Variants in FOXK1 observed in about 807,000 individuals in gnomAD.
FOXK1 encodes the protein forkhead box protein K1.
A neutral mutation model predicts 51.9 loss-of-function variants in FOXK1; 19 were observed. The observed-to-expected ratio is 0.37, with a 90% CI of 0.26 to 0.54. The LOEUF (loss-of-function observed/expected upper bound fraction) is 0.54. Ranked by LOEUF, FOXK1 falls within the 20% of genes least tolerant of loss-of-function variation. The pLI is 0.87. For synonymous variants in FOXK1, 537 were observed against 482.6 expected (o/e 1.11, Z -1.48); for missense variants, 870 against 1,032.7 (o/e 0.84, Z 2.16).
rs7778055 is a variant in FOXK1 at position 4,756,169 on chromosome 7, T to C, written c.1050+786T>C. On this transcript the variant is annotated intron_variant, in intron 4 of 8. Transcript: ENST00000328914. This position sits in a 1 kb window ranked among gnomAD's most constrained non-coding sequence, Gnocchi z 4.1. ...TCGCTCTGCCATCCCGGCTGGAGTG[T>C]GGTGGCGCGATCTCAGCTCACTGCA... Among the ~76,000 whole-genome samples, 29,281 of 152,086 alleles carry C rather than the reference T, an allele frequency of 0.19. 4,336 individuals are homozygous for C. The highest frequency in any genetic ancestry group is 0.42 in the African/African-American group (17,302 of 41,452).
Position 4,758,996 on chromosome 7 carries a change from T to TC in FOXK1, c.1245-53dup. ...TGAGATGCGTGATGTCTCGGAAACG[T>TC]CCTCGCATCCCTCAGCGCGGGCGCT... On this transcript the variant is annotated intron_variant, in intron 5 of 8. Transcript: ENST00000328914. The surrounding 1 kb of genome is among the most constrained non-coding windows in gnomAD (Gnocchi z 4.4). The TC allele has an allele frequency of 6.6e-7, 1 of 1,515,860 alleles. No individual in the cohort carries two copies. Among genetic ancestry groups the TC allele is most frequent in the Non-Finnish European group, 8.8e-7 (1 of 1,137,736 alleles). 93.9% of individuals were successfully genotyped at this position (1,515,860 alleles called of 1,614,324 possible).
rs1050875595 is a variant in FOXK1, at chr7:4,731,180, C to T, written c.561-9658C>T. Among the ~76,000 whole-genome samples, 1 of 152,192 alleles carries T rather than the reference C, an allele frequency of 6.6e-6. No individual in the cohort carries two copies. Among genetic ancestry groups the T allele is most frequent in the African/African-American group, 2.4e-5 (1 of 41,446 alleles). ...CTGGTAGGAGGTGGTGAGGGGCCTCCGAGGTGGTGGGTGAGCATCCCTGCA... is the reference window on the plus strand; with the variant it reads ...CTGGTAGGAGGTGGTGAGGGGCCTCTGAGGTGGTGGGTGAGCATCCCTGCA... On this transcript the variant is annotated intron_variant, in intron 1 of 8. Transcript: ENST00000328914. This position sits in a 1 kb window ranked among gnomAD's most constrained non-coding sequence, Gnocchi z 5.3.
chr7:4,761,925 C>G lies in FOXK1; in HGVS notation c.1922-259C>G, dbSNP rs542772670. ...ATCTGTGTAAAGGAGTGAGGCAAGCCGTCGATGTCCAGCAGGATCTAGACA... is the reference window on the plus strand; with the variant it reads ...ATCTGTGTAAAGGAGTGAGGCAAGCGGTCGATGTCCAGCAGGATCTAGACA... On this transcript the variant is annotated intron_variant, in intron 8 of 8. Coordinates refer to ENST00000328914, the MANE Select transcript of FOXK1 (RefSeq NM_001037165.2). The surrounding 1 kb of genome is among the most constrained non-coding windows in gnomAD (Gnocchi z 6.2). 6.6e-6 allele frequency among the ~76,000 whole-genome samples: 1 copy of G among 151,904 alleles called. No homozygotes were observed. Among genetic ancestry groups the G allele is most frequent in the South Asian group, 2.1e-4 (1 of 4,808 alleles).
At chr7:4,718,119 C>G (rs1780260854) in intron 1 of FOXK1, among the ~76,000 whole-genome samples, 1 of 152,220 alleles carries the variant, frequency 6.6e-6, no homozygotes, top group South Asian at 2.1e-4. Flanking sequence ...CACAGATTCA[C>G]AAGGAGCAGC....
Position 4,682,971 on chromosome 7 carries a change from G to A in FOXK1, c.560+103G>A, listed in dbSNP as rs1779771618. ...ATCCCCCTCCAGCTTCCTCGGCCTC[G>A]ACCCCCACCCCCCGGCCCACCCCCG... On this transcript the variant is annotated intron_variant, in intron 1 of 8. Transcript: ENST00000328914. This position sits in a 1 kb window ranked among gnomAD's most constrained non-coding sequence, Gnocchi z 7.6. The A allele has an allele frequency of 4.2e-6, 5 of 1,200,782 alleles. No homozygotes were observed. The highest frequency in any genetic ancestry group is 5.5e-6 in the Non-Finnish European group (5 of 909,538). 74.4% of individuals were successfully genotyped at this position (1,200,782 alleles called of 1,614,324 possible). A position where few individuals can be genotyped will look rare whatever the true frequency, so the allele number is the denominator to read the frequency against.
intron 1 of FOXK1, among the ~76,000 whole-genome samples, chr7:4,714,725 G>A (rs148122158): frequency 3.9e-5 from 6 of 152,266 alleles, no homozygotes; most frequent in East Asian, 1.9e-4. Flanking sequence ...ACATTCCCGC[G>A]GTTCAAAACT....
rs1317553706 is a variant in FOXK1, at chr7:4,682,485, G to A, written c.177G>A (p.Pro59=). Residue 59 remains proline, a synonymous_variant, in exon 1 of 9, where the codon CCG becomes CCA. Coordinates refer to ENST00000328914, the MANE Select transcript of FOXK1 (RefSeq NM_001037165.2). This position sits in a 1 kb window ranked among gnomAD's most constrained non-coding sequence, Gnocchi z 7.6. ...GGCCGCCGCCGCCGCCGCCACCGCCGCTGCCTCCGGGCGCGATCGCGGGCG... is the reference window on the plus strand; with the variant it reads ...GGCCGCCGCCGCCGCCGCCACCGCCACTGCCTCCGGGCGCGATCGCGGGCG... ...PPGPPPPPPP[P]LPPGAIAGAG... 3 of 1,001,200 alleles carry A rather than the reference G, an allele frequency of 3.0e-6. No homozygotes were observed. The highest frequency in any genetic ancestry group is 1.0e-4 in the East Asian group (1 of 9,628). The allele number at this position is 1,001,200 out of a possible 1,614,324, so 62.0% of individuals were successfully genotyped here. A position where few individuals can be genotyped will look rare whatever the true frequency, so the allele number is the denominator to read the frequency against.
rs1167504818 is a variant in FOXK1 at position 4,741,560 on chromosome 7, A to G, written c.746+537A>G. Among the ~76,000 whole-genome samples the G allele has an allele frequency of 7.9e-5, 12 of 152,132 alleles. No homozygotes were observed. The South Asian group carries it at 1.2e-3, about 16-fold the overall frequency. On this transcript the variant is annotated intron_variant, in intron 2 of 8. Coordinates refer to ENST00000328914, the MANE Select transcript of FOXK1 (RefSeq NM_001037165.2). The stretch of plus-strand genomic sequence containing the variant: ...TGGCCATGCTGGTCTCGAACTCCCA[A>G]CCTCAAATGATCCACCCGCCTTGGC...
At position 4,749,103 on chromosome 7, in the gene FOXK1, C is replaced by T. The variant is rs1437433725; in HGVS notation, c.747-5356C>T. 6.6e-6 allele frequency among the ~76,000 whole-genome samples: 1 copy of T among 152,238 alleles called. No homozygotes were observed. Among genetic ancestry groups the T allele is most frequent in the Non-Finnish European group, 1.5e-5 (1 of 68,046 alleles). ...AGGGATTTTCTCCAGTCTCTCCTTC[C>T]ACCCTTTCTTGGATTTGTATTTCTC... On this transcript the variant is annotated intron_variant, in intron 2 of 8. Coordinates refer to ENST00000328914, the MANE Select transcript of FOXK1 (RefSeq NM_001037165.2). The surrounding 1 kb of genome is among the most constrained non-coding windows in gnomAD (Gnocchi z 6.0).
intron 1 of FOXK1, among the ~76,000 whole-genome samples, chr7:4,718,788 T>C (rs1780270271): frequency 6.6e-6 from 1 of 152,264 alleles, no homozygotes; most frequent in African/African-American, 2.4e-5. Flanking sequence ...TTAGCCATTC[T>C]GATAGGTATG....
chr7:4,759,454 G>T lies in FOXK1; in HGVS notation c.1555G>T (p.Ala519Ser). The change falls in exon 7 of 9, where the codon GCC becomes TCC. Residue 519 changes from alanine (A) to serine (S), a missense_variant. By Grantham distance (99) the Ala-to-Ser change is moderately conservative. Transcript: ENST00000328914. ...CCACGCCATCCACGTCGTGCAGCAG[G>T]CCCCCACCGTCACCATGGTCAGGGT... ...AGHAIHVVQQ[A>S]PTVTMVRVVT... 3.8e-6 allele frequency: 6 copies of T among 1,591,994 alleles called. No homozygotes were observed. In the South Asian group the frequency reaches 6.8e-5, roughly 18 times the overall value.
At chr7:4,710,145 C>CT (rs1358599842) in intron 1 of FOXK1, among the ~76,000 whole-genome samples, 1 of 152,234 alleles carries the variant, frequency 6.6e-6, no homozygotes, top group Non-Finnish European at 1.5e-5. Context: ...CTGTGACTGA[C>CT]TGTTTTGATG....
In FOXK1 at chr7:4,751,267, C is replaced by T. The variant is rs1202791119; in HGVS notation, c.747-3192C>T. Reference sequence around the variant, plus strand: ...CTCTCCTGACCTCATGATCCACCCTCCTCGGGTAATCCCAAAAGCATTGGG... The same window carrying T: ...CTCTCCTGACCTCATGATCCACCCTTCTCGGGTAATCCCAAAAGCATTGGG... On this transcript the variant is annotated intron_variant, in intron 2 of 8. Coordinates refer to ENST00000328914, the MANE Select transcript of FOXK1 (RefSeq NM_001037165.2). 2.0e-5 allele frequency among the ~76,000 whole-genome samples: 3 copies of T among 151,684 alleles called. No homozygotes were observed. The East Asian group carries it at 5.8e-4, about 29-fold the overall frequency.
intron 1 of FOXK1, among the ~76,000 whole-genome samples, chr7:4,701,597 A>T (rs1780021887): frequency 6.6e-6 from 1 of 152,180 alleles, no homozygotes; most frequent in Non-Finnish European, 1.5e-5. Flanking sequence ...CCCTGCAAAA[A>T]ATAAAAAGTA....
At chr7:4,698,201 T>A (rs1779977233) in intron 1 of FOXK1, among the ~76,000 whole-genome samples, 2 of 152,126 alleles carry the variant, frequency 1.3e-5, no homozygotes, top group South Asian at 4.1e-4. Flanking sequence ...TCCAAATAAC[T>A]CCTGCATGTC....
Position 4,755,447 on chromosome 7 carries a change from A to G in FOXK1, c.1050+64A>G, listed in dbSNP as rs1356045886. On this transcript the variant is annotated intron_variant, in intron 4 of 8. Coordinates refer to ENST00000328914, the MANE Select transcript of FOXK1 (RefSeq NM_001037165.2). This position sits in a 1 kb window ranked among gnomAD's most constrained non-coding sequence, Gnocchi z 6.6. ...CCCTTAGAACATGGAACTCACAGGC[A>G]TATTGCTTCCCTTAAAACAGAAGAG... The G allele has an allele frequency of 3.2e-6, 5 of 1,584,182 alleles. No homozygotes were observed. The highest frequency in any genetic ancestry group is 4.3e-6 in the Non-Finnish European group (5 of 1,162,378).
At chr7:4,685,650 A>G (rs1411087647) in intron 1 of FOXK1, among the ~76,000 whole-genome samples, 1 of 151,940 alleles carries the variant, frequency 6.6e-6, no homozygotes, top group Admixed American at 6.6e-5. Flanking sequence ...TTGGTTAGGT[A>G]AAGATTCTTA....
chr7:4,739,877 G>A (rs1780608795), intron 1 of FOXK1, among the ~76,000 whole-genome samples: 3 of 152,232 alleles, frequency 2.0e-5, no homozygotes, highest in African/African-American at 7.2e-5. Context: ...TCCCACCTGG[G>A]TGCCACAGCA....
chr7:4,739,172 G>C (rs1017419644), intron 1 of FOXK1, among the ~76,000 whole-genome samples: 1 of 152,204 alleles, frequency 6.6e-6, no homozygotes, highest in Non-Finnish European at 1.5e-5. Context: ...CCAGCAGCCT[G>C]GTGCTTCATG....
Sources: gnomAD v4.1 joint callset for allele counts (sites outside exome capture counted in the v4.1 genomes callset) on GRCh38, gnomAD v4.1.1 for gene constraint, Gnocchi (gnomAD v3.1) non-coding constraint, MANE v1.5 for transcripts, NCBI Gene and HGNC (gene_info 2026-07-23, HGNC 2026-07-21) for gene names.